The following UPRT variants were observed in gnomAD, a reference collection of about 807,000 sequenced individuals.
UPRT encodes the protein uracil phosphoribosyltransferase homolog, also known as RP11-311P8.3.
A neutral mutation model predicts 22.6 loss-of-function variants in UPRT; 5 were observed. That is an observed-to-expected ratio of 0.22 (90% CI 0.12 to 0.47). The LOEUF (loss-of-function observed/expected upper bound fraction) is 0.47. Among genes scored for constraint, UPRT ranks in the 20% least tolerant of loss-of-function variants. UPRT has a pLI of 0.99. For missense variants in UPRT, 181 were observed against 239.9 expected (o/e 0.75, Z 1.62); for synonymous variants, 77 against 87.7 (o/e 0.88, Z 0.68).
At chrX:75,244,884 G>A (rs1329792502) in intron 4 of UPRT, among the ~76,000 whole-genome samples, 1 of 111,057 alleles carries the variant, frequency 9.0e-6, no homozygotes, top group East Asian at 2.8e-4. Flanking sequence ...TCATGATGAA[G>A]ACACCAAAAG....
At chrX:75,178,856 C>T (rs1311630722) in intron 4 of UPRT, among the ~76,000 whole-genome samples, 3 of 111,364 alleles carry the variant, frequency 2.7e-5, no homozygotes, top group Non-Finnish European at 5.7e-5. Flanking sequence ...GGAAGGGGAC[C>T]TGAGTGGGTT....
chrX:75,184,902 A>G (rs964887451), intron 4 of UPRT, among the ~76,000 whole-genome samples: 2 of 111,566 alleles, frequency 1.8e-5, no homozygotes, highest in African/African-American at 3.3e-5. Flanking sequence ...GTTGCTTATC[A>G]GCTTAAGGAG....
At chrX:75,225,001 G>T (rs1460340530) in intron 4 of UPRT, among the ~76,000 whole-genome samples, 2 of 111,305 alleles carry the variant, frequency 1.8e-5, no homozygotes, top group African/African-American at 6.5e-5. Flanking sequence ...GAGAACAATG[G>T]CAAGCTTCTG....
At chrX:75,169,954 T>G (rs2082222209) in intron 4 of UPRT, among the ~76,000 whole-genome samples, 1 of 110,951 alleles carries the variant, frequency 9.0e-6, no homozygotes, top group African/African-American at 3.3e-5. Flanking sequence ...GGAGCTCCAC[T>G]GTTAGGTGCA....
chrX:75,227,919 A>G (rs749601189), intron 4 of UPRT, among the ~76,000 whole-genome samples: 1 of 112,464 alleles, frequency 8.9e-6, no homozygotes, highest in South Asian at 3.7e-4. Flanking sequence ...CAACTTCAGC[A>G]TTGCCTCTTT....
At chrX:75,245,782 G>T (rs1343662331) in intron 4 of UPRT, among the ~76,000 whole-genome samples, 2 of 111,024 alleles carry the variant, frequency 1.8e-5, no homozygotes, top group African/African-American at 6.6e-5. Context: ...TAGACATGGG[G>T]GCCTACTTGT....
At chrX:75,189,733 G>A (rs867765876) in intron 4 of UPRT, among the ~76,000 whole-genome samples, 12 of 112,187 alleles carry the variant, frequency 1.1e-4, no homozygotes, top group South Asian at 7.5e-4. Context: ...TTACCATTAT[G>A]TAATGGCCTT....
At chrX:75,228,100 A>G (rs2082428325) in intron 4 of UPRT, among the ~76,000 whole-genome samples, 2 of 111,474 alleles carry the variant, frequency 1.8e-5, no homozygotes, top group African/African-American at 3.3e-5. Context: ...CTTGAGAACA[A>G]TATCTGAGAG....
At chrX:75,208,673 C>T (rs1223471750) in intron 4 of UPRT, among the ~76,000 whole-genome samples, 2 of 111,144 alleles carry the variant, frequency 1.8e-5, no homozygotes, top group Non-Finnish European at 3.8e-5. Context: ...TTGACAGCCA[C>T]GATAGGGGTG....
intron 4 of UPRT, among the ~76,000 whole-genome samples, chrX:75,200,064 A>T (rs186297685): frequency 5.3e-5 from 6 of 112,158 alleles, no homozygotes; most frequent in Admixed American, 9.5e-5. Flanking sequence ...TGGTGGTTCA[A>T]CCAGTCACTC....
Position 75,300,947 on chromosome X carries a change from C to G in UPRT, c.805C>G (p.Leu269Val). 1 of 1,206,164 alleles carries G rather than the reference C, an allele frequency of 8.3e-7. No homozygotes were observed. The highest frequency in any genetic ancestry group is 1.1e-6 in the Non-Finnish European group (1 of 891,448). The change falls in exon 6 of 7, where the codon CTG becomes GTG. Residue 269 changes from leucine (L) to valine (V), a missense_variant. Transcript: ENST00000373383. ...ACCCAGTGTTATCATCCTACTCAGT[C>G]TGTTCTCCACTCCTCATGGTGAGTT... ...VQPSVIILLS[L>V]FSTPHGAKSI...
At chrX:75,204,491 G>T (rs141323088) in intron 4 of UPRT, among the ~76,000 whole-genome samples, 58 of 112,554 alleles carry the variant, frequency 5.2e-4, no homozygotes, top group African/African-American at 1.7e-3. Context: ...TGAGCCATGA[G>T]AAGATGGGGG....
chrX:75,269,520 G>T (rs983443605), upstream of UPRT, among the ~76,000 whole-genome samples: 12 of 111,698 alleles, frequency 1.1e-4, no homozygotes, highest in African/African-American at 1.6e-4. Context: ...CCAGGCTACA[G>T]TAGCCAAAAC....
At chrX:75,275,373 G>A (rs1215772449) in intron 1 of UPRT, among the ~76,000 whole-genome samples, 1 of 111,870 alleles carries the variant, frequency 8.9e-6, no homozygotes, top group Non-Finnish European at 1.9e-5. Flanking sequence ...TATGTACCAT[G>A]ATGAACTACA....
chrX:75,180,712 T>G (rs1404997413), intron 4 of UPRT, among the ~76,000 whole-genome samples: 7 of 97,657 alleles, frequency 7.2e-5, no homozygotes, highest in East Asian at 3.2e-4. Context: ...TTTTTTTTTT[T>G]TTTTTTTTGC....
intron 4 of UPRT, among the ~76,000 whole-genome samples, chrX:75,174,861 A>G (rs765193878): frequency 8.9e-6 from 1 of 111,837 alleles, no homozygotes; most frequent in East Asian, 2.8e-4. Context: ...GGAATAGGGT[A>G]CACTGTTTTT....
chrX:75,162,894 T>C (rs2082204100), intron 2 of UPRT, among the ~76,000 whole-genome samples: 1 of 111,769 alleles, frequency 8.9e-6, no homozygotes, highest in Admixed American at 9.5e-5. Flanking sequence ...TATGATGTCG[T>C]GTTGATTTCA....
chrX:75,224,779 A>C, intron 4 of UPRT, among the ~76,000 whole-genome samples: 1 of 111,898 alleles, frequency 8.9e-6, no homozygotes, highest in Non-Finnish European at 1.9e-5. Flanking sequence ...CCTATATTCT[A>C]GGCTATATTT....
At chrX:75,206,513 G>A (rs896812882) in intron 4 of UPRT, among the ~76,000 whole-genome samples, 1 of 111,117 alleles carries the variant, frequency 9.0e-6, no homozygotes, top group Non-Finnish European at 1.9e-5. Flanking sequence ...AAAAATGGTT[G>A]TGCACATATG....
Sources: gnomAD v4.1 joint callset for allele counts (sites outside exome capture counted in the v4.1 genomes callset) on GRCh38, gnomAD v4.1.1 for gene constraint, MANE v1.5 for transcripts, NCBI Gene and HGNC (gene_info 2026-07-23, HGNC 2026-07-21) for gene names.